Variants in SGCD observed in about 807,000 individuals in gnomAD.
The protein encoded by SGCD is delta-sarcoglycan.
In SGCD, 18 loss-of-function variants were observed where a neutral mutation model predicts 36.6. The ratio of observed to expected loss-of-function variants is 0.49; its 90% confidence interval spans 0.34 to 0.73. The LOEUF is 0.73. SGCD is among the 30% of genes least tolerant of loss of function. The pLI is 0.01. For synonymous variants in SGCD, 133 were observed against 130.6 expected, an observed-to-expected ratio of 1.02 and a Z score of -0.12; for missense variants, 387 against 346.7, an observed-to-expected ratio of 1.12 and a Z score of -0.92.
At chr5:156,295,796 C>A (rs1766876958) in intron 3 of SGCD, among the ~76,000 whole-genome samples, 1 of 152,144 alleles carries the variant, frequency 6.6e-6, no homozygotes, top group Non-Finnish European at 1.5e-5. Context: ...TTATTCCTAC[C>A]AAAATATCCA....
chr5:156,366,853 C>A (rs570682690), intron 3 of SGCD, among the ~76,000 whole-genome samples: 2 of 152,112 alleles, frequency 1.3e-5, no homozygotes, highest in Non-Finnish European at 1.5e-5. Context: ...AAGAATTCTC[C>A]TTTAGAATAA....
intron 3 of SGCD, among the ~76,000 whole-genome samples, chr5:156,493,546 T>C (rs1483202086): frequency 6.6e-6 from 1 of 152,162 alleles, no homozygotes; most frequent in African/African-American, 2.4e-5. Flanking sequence ...ACCCCAACTC[T>C]GGATATCTGA....
intron 1 of SGCD, among the ~76,000 whole-genome samples, chr5:156,093,167 G>A (rs1270509155): frequency 6.6e-6 from 1 of 152,188 alleles, no homozygotes; most frequent in Non-Finnish European, 1.5e-5. Flanking sequence ...ATTTTGGGCA[G>A]CTGTCTTTCC....
chr5:156,735,317 C>T (rs1756294542), intron 7 of SGCD, among the ~76,000 whole-genome samples: 1 of 152,166 alleles, frequency 6.6e-6, no homozygotes, highest in African/African-American at 2.4e-5. Flanking sequence ...CTTGGACTCT[C>T]CAAAGCCCAA....
At chr5:156,231,009 T>G (rs1423955254) in intron 3 of SGCD, among the ~76,000 whole-genome samples, 1 of 152,040 alleles carries the variant, frequency 6.6e-6, no homozygotes, top group Non-Finnish European at 1.5e-5. Context: ...ATAAAAAGGC[T>G]ACAAGGAGGG....
chr5:156,124,748 G>A (rs987814110), intron 3 of SGCD, among the ~76,000 whole-genome samples: 4 of 152,050 alleles, frequency 2.6e-5, no homozygotes, highest in African/African-American at 4.8e-5. Context: ...TAGATAGAGT[G>A]TTGGGGAGGG....
intron 3 of SGCD, among the ~76,000 whole-genome samples, chr5:156,264,273 G>A (rs1765947584): frequency 6.6e-6 from 1 of 152,050 alleles, no homozygotes; most frequent in African/African-American, 2.4e-5. Flanking sequence ...TCCCCAGTTA[G>A]ATATTATCTT....
intron 1 of SGCD, among the ~76,000 whole-genome samples, chr5:156,012,026 A>T (rs1758870028): frequency 6.6e-6 from 1 of 152,236 alleles, no homozygotes; most frequent in African/African-American, 2.4e-5. Context: ...TAAGTACTAC[A>T]TTAGGAATTT....
intron 3 of SGCD, among the ~76,000 whole-genome samples, chr5:156,285,628 A>G (rs922039642): frequency 1.3e-5 from 2 of 152,240 alleles, no homozygotes; most frequent in Non-Finnish European, 2.9e-5. Flanking sequence ...CATATGTAGA[A>G]AGCTGAAACT....
intron 1 of SGCD, among the ~76,000 whole-genome samples, chr5:156,093,549 C>G (rs955827700): frequency 1.3e-5 from 2 of 152,188 alleles, no homozygotes; most frequent in African/African-American, 4.8e-5. Flanking sequence ...TCTGTTTAAA[C>G]TCTCGTTTGG....
chr5:155,764,576 G>A, the SGCD span, among the ~76,000 whole-genome samples: 174 of 152,234 alleles, frequency 1.1e-3, 1 homozygote, highest in African/African-American at 4.0e-3. Context: ...GAGTACAAAG[G>A]TGCCAAGCCA....
chr5:156,451,725 A>G (rs1036964861), intron 3 of SGCD, among the ~76,000 whole-genome samples: 2 of 152,170 alleles, frequency 1.3e-5, no homozygotes, highest in Non-Finnish European at 2.9e-5. Flanking sequence ...AGTTAACCTG[A>G]TGTGCAGTAG....
At chr5:156,178,920 A>T (rs974612291) in intron 3 of SGCD, among the ~76,000 whole-genome samples, 2 of 152,200 alleles carry the variant, frequency 1.3e-5, no homozygotes, top group Non-Finnish European at 2.9e-5. Context: ...CAGTGCCTAC[A>T]ACTTTACACT....
At chr5:156,029,348 A>T (rs1759292416) in intron 1 of SGCD, among the ~76,000 whole-genome samples, 1 of 152,166 alleles carries the variant, frequency 6.6e-6, no homozygotes. Flanking sequence ...ATGGAATGAC[A>T]CTGACACACA....
chr5:156,420,447 AT>A (rs1432793408), intron 3 of SGCD, among the ~76,000 whole-genome samples: 1 of 152,136 alleles, frequency 6.6e-6, no homozygotes, highest in Non-Finnish European at 1.5e-5. Context: ...CTTCGGGAAT[AT>A]TGGAAGAATT....
intron 1 of SGCD, among the ~76,000 whole-genome samples, chr5:156,113,240 A>G (rs1430412358): frequency 6.6e-6 from 1 of 152,160 alleles, no homozygotes. Flanking sequence ...TATTTTTCAA[A>G]CAATATAGTC....
chr5:156,091,921 A>G (rs1761254305), intron 1 of SGCD, among the ~76,000 whole-genome samples: 1 of 152,246 alleles, frequency 6.6e-6, no homozygotes, highest in Admixed American at 6.5e-5. Flanking sequence ...GTTCAGTCCA[A>G]CTGTTTGGAG....
intron 3 of SGCD, among the ~76,000 whole-genome samples, chr5:156,302,340 C>G (rs970949721): frequency 3.9e-5 from 6 of 152,052 alleles, no homozygotes; most frequent in East Asian, 3.9e-4. Flanking sequence ...TTTTTCAGCT[C>G]CAACATTTCT....
intron 1 of SGCD, among the ~76,000 whole-genome samples, chr5:155,938,822 C>T (rs1026835352): frequency 6.6e-6 from 1 of 152,220 alleles, no homozygotes; most frequent in Non-Finnish European, 1.5e-5. Context: ...CCCCATTTCA[C>T]AGATAAGACA....
Sources: gnomAD v4.1 joint callset for allele counts (sites outside exome capture counted in the v4.1 genomes callset) on GRCh38, gnomAD v4.1.1 for gene constraint, MANE v1.5 for transcripts, NCBI Gene and HGNC (gene_info 2026-07-23, HGNC 2026-07-21) for gene names.